PTK2: variants seen among roughly 807,000 people sequenced by gnomAD.
PTK2 encodes protein tyrosine kinase 2, also known as focal adhesion kinase 1.
A neutral mutation model predicts 150.1 loss-of-function variants in PTK2; 45 were observed. That is an observed-to-expected ratio of 0.30 (90% CI 0.24 to 0.38). The LOEUF (loss-of-function observed/expected upper bound fraction) is 0.38. PTK2 is among the 10% of genes least tolerant of loss of function. The pLI is 1.00. For synonymous variants in PTK2, 432 were observed against 449.2 expected, an observed-to-expected ratio of 0.96 and a Z score of 0.48; for missense variants, 919 against 1,307.3, an observed-to-expected ratio of 0.70 and a Z score of 4.58.
chr8:140,921,358 C>G (rs2100167368), intron 2 of PTK2: 1 of 173,254 alleles, frequency 5.8e-6, no homozygotes, highest in African/African-American at 2.4e-5. Context: ...AAACTGACAA[C>G]CGATTCTAAA....
intron 29 of PTK2, chr8:140,668,741 C>T (rs951679334): frequency 6.0e-5 from 13 of 215,198 alleles, no homozygotes; most frequent in Non-Finnish European, 8.3e-5. Flanking sequence ...TCATTTACCA[C>T]AAGATAATAA....
At chr8:140,857,017 C>T (rs1010139354) in intron 5 of PTK2, among the ~76,000 whole-genome samples, 1 of 152,166 alleles carries the variant, frequency 6.6e-6, no homozygotes, top group Non-Finnish European at 1.5e-5. Context: ...TGCAGTACAT[C>T]TGAAGTTTCA....
chr8:140,944,412 G>A (rs1310695150), intron 1 of PTK2, among the ~76,000 whole-genome samples: 5 of 152,184 alleles, frequency 3.3e-5, no homozygotes, highest in African/African-American at 1.2e-4. Context: ...GTGCACTGTG[G>A]TTAACCTTAA....
At chr8:140,876,909 A>G (rs761828763) in intron 4 of PTK2, among the ~76,000 whole-genome samples, 2 of 152,050 alleles carry the variant, frequency 1.3e-5, no homozygotes, top group Non-Finnish European at 2.9e-5. Flanking sequence ...CCCCTTTTAA[A>G]TATACAGAAC....
At chr8:140,748,490 C>CT in intron 17 of PTK2, among the ~76,000 whole-genome samples, 1 of 100,636 alleles carries the variant, frequency 9.9e-6, no homozygotes, top group East Asian at 2.8e-4. Flanking sequence ...GACTGAGACT[C>CT]TGTCTCAAAA....
chr8:140,947,402 G>C (rs1464993511), intron 1 of PTK2, among the ~76,000 whole-genome samples: 1 of 152,184 alleles, frequency 6.6e-6, no homozygotes, highest in Non-Finnish European at 1.5e-5. Context: ...TTTGACCAAA[G>C]TTCCACAGCT....
chr8:140,775,312 ACT>A (rs2100077782), intron 14 of PTK2, among the ~76,000 whole-genome samples: 1 of 151,704 alleles, frequency 6.6e-6, no homozygotes, highest in South Asian at 2.1e-4. Context: ...ATGGCAAAAT[ACT>A]CTCTTTACAA....
intron 26 of PTK2, among the ~76,000 whole-genome samples, chr8:140,699,485 T>G (rs1564630744): frequency 6.6e-6 from 1 of 152,192 alleles, no homozygotes; most frequent in Admixed American, 6.5e-5. Context: ...CCCAAGGGAC[T>G]TCTGAAGTGG....
intron 17 of PTK2, among the ~76,000 whole-genome samples, chr8:140,749,155 T>C (rs1315551537): frequency 2.0e-5 from 3 of 152,204 alleles, no homozygotes; most frequent in Non-Finnish European, 4.4e-5. Flanking sequence ...GTAGTTTTTT[T>C]CAACAAACAT....
At chr8:140,671,147 C>G (rs989626942) in intron 29 of PTK2, among the ~76,000 whole-genome samples, 6 of 152,140 alleles carry the variant, frequency 3.9e-5, no homozygotes, top group African/African-American at 1.2e-4. Context: ...AAATGCAGTG[C>G]TACCTAGGAA....
intron 27 of PTK2, among the ~76,000 whole-genome samples, chr8:140,685,403 A>G (rs937578340): frequency 1.3e-5 from 2 of 152,222 alleles, no homozygotes; most frequent in African/African-American, 4.8e-5. Context: ...GGACCTAATT[A>G]AACTAAAGAG....
At chr8:140,834,216 G>T (rs796824626) in intron 7 of PTK2, among the ~76,000 whole-genome samples, 1 of 152,132 alleles carries the variant, frequency 6.6e-6, no homozygotes, top group African/African-American at 2.4e-5. Context: ...GGGCCCAAAG[G>T]CTCCTCAGTA....
intron 2 of PTK2, among the ~76,000 whole-genome samples, chr8:140,895,943 A>C (rs2100156032): frequency 6.6e-6 from 1 of 152,184 alleles, no homozygotes; most frequent in South Asian, 2.1e-4. Context: ...CTTTTAAAAA[A>C]CAAAATTGAT....
chr8:140,947,879 AAATAAT>A (rs1053803502), intron 1 of PTK2, among the ~76,000 whole-genome samples: 21 of 151,990 alleles, frequency 1.4e-4, no homozygotes, highest in Admixed American at 3.9e-4. Flanking sequence ...CTCGGACAAA[AAATAAT>A]AATAATAATA....
intron 17 of PTK2, among the ~76,000 whole-genome samples, chr8:140,748,450 G>A (rs963363234): frequency 2.7e-5 from 4 of 145,814 alleles, no homozygotes; most frequent in Admixed American, 7.0e-5. Context: ...CCGGGATTGC[G>A]TCACTGCACT....
At chr8:140,894,758 G>C (rs973281690) in intron 2 of PTK2, among the ~76,000 whole-genome samples, 2 of 152,226 alleles carry the variant, frequency 1.3e-5, no homozygotes, top group African/African-American at 4.8e-5. Context: ...GGTTACACAT[G>C]GGAGAGGTGT....
intron 5 of PTK2, among the ~76,000 whole-genome samples, chr8:140,852,987 T>A (rs925630931): frequency 6.6e-6 from 1 of 152,202 alleles, no homozygotes; most frequent in South Asian, 2.1e-4. Flanking sequence ...GTGAAAAAAC[T>A]GGCCACCAAT....
At chr8:140,937,281 ATACT>A (rs990239895) in intron 1 of PTK2, among the ~76,000 whole-genome samples, 6 of 152,210 alleles carry the variant, frequency 3.9e-5, no homozygotes, top group African/African-American at 9.6e-5. Context: ...GCATACTTTT[ATACT>A]TACTTCCTGA....
At chr8:140,927,942 AAAAAAAAAAAAAAAAG>A (rs1209915295) in intron 1 of PTK2, among the ~76,000 whole-genome samples, 9 of 100,646 alleles carry the variant, frequency 8.9e-5, no homozygotes, top group East Asian at 2.8e-4. Flanking sequence ...CTCAAAAAGA[AAAAAAAAAAAAAAAAG>A]AAAAAAAAAA....
Sources: gnomAD v4.1 joint callset for allele counts (sites outside exome capture counted in the v4.1 genomes callset) on GRCh38, gnomAD v4.1.1 for gene constraint, MANE v1.5 for transcripts, NCBI Gene and HGNC (gene_info 2026-07-23, HGNC 2026-07-21) for gene names.